The following MSI1 variants were observed in gnomAD, a reference collection of about 807,000 sequenced individuals.
MSI1 encodes musashi RNA binding protein 1.
In MSI1, 15 loss-of-function variants were observed where a neutral mutation model predicts 54.4. The ratio of observed to expected loss-of-function variants is 0.28; its 90% confidence interval spans 0.18 to 0.42. The LOEUF (loss-of-function observed/expected upper bound fraction) is 0.42. Among genes scored for constraint, MSI1 ranks in the 20% least tolerant of loss-of-function variants. MSI1 has a pLI of 1.00. For synonymous variants in MSI1, 200 were observed against 196.5 expected, an observed-to-expected ratio of 1.02 and a Z score of -0.15; for missense variants, 304 against 506.0, an observed-to-expected ratio of 0.60 and a Z score of 3.83.
chr12:120,340,886 C>CT (rs34926125), downstream of MSI1, among the ~76,000 whole-genome samples: 58,738 of 119,394 alleles, frequency 0.49, 15,898 homozygotes, highest in South Asian at 0.61. Context: ...TTCTCCTATT[C>CT]TTTTTTTTTT....
chr12:120,352,386 T>TGG (rs1874694257), intron 10 of MSI1, among the ~76,000 whole-genome samples: 1 of 152,026 alleles, frequency 6.6e-6, no homozygotes, highest in African/African-American at 2.4e-5. Context: ...TGTGTGTGTG[T>TGG]GTGTGTTGGG....
intron 12 of MSI1, among the ~76,000 whole-genome samples, chr12:120,346,967 A>T (rs1221175310): frequency 6.6e-6 from 1 of 150,934 alleles, no homozygotes; most frequent in Admixed American, 6.6e-5. Context: ...TTCTTTTGAG[A>T]CAGACGGAGT....
downstream of MSI1, among the ~76,000 whole-genome samples, chr12:120,339,955 AT>A (rs1464308542): frequency 1.3e-4 from 19 of 150,456 alleles, no homozygotes; most frequent in East Asian, 3.7e-3. Flanking sequence ...TAATTTTTGT[AT>A]TTTTTTGTAG....
chr12:120,347,108 C>A (rs2136903896), intron 12 of MSI1, among the ~76,000 whole-genome samples: 1 of 152,288 alleles, frequency 6.6e-6, no homozygotes, highest in Non-Finnish European at 1.5e-5. Context: ...CACCACCACG[C>A]CCAGCTAATT....
At chr12:120,340,298 G>A (rs1250341398), downstream of MSI1, among the ~76,000 whole-genome samples, 1 of 152,008 alleles carries the variant, frequency 6.6e-6, no homozygotes, top group African/African-American at 2.4e-5. Context: ...TGCACAGGGT[G>A]GTTTCGAACA....
rs372363581 is a variant in MSI1, at chr12:120,351,412, C to T, written c.734-12G>A. ...CTCTACACGGAATTCTAAAATGAAACGTAAAACAGCTTAGGAAGAAGCAGG... is the reference window on the plus strand; with the variant it reads ...CTCTACACGGAATTCTAAAATGAAATGTAAAACAGCTTAGGAAGAAGCAGG... On this transcript the variant is annotated splice_polypyrimidine_tract_variant and intron_variant, in intron 10 of 14. Coordinates refer to ENST00000257552, the MANE Select transcript of MSI1 (RefSeq NM_002442.4). 4.7e-4 allele frequency: 766 copies of T among 1,612,986 alleles called. 2 individuals are homozygous for T. The highest frequency in any genetic ancestry group is 6.0e-4 in the Non-Finnish European group (713 of 1,179,668).
In MSI1 at chr12:120,351,229, G is replaced by A. The variant is rs192556766; in HGVS notation, c.790+115C>T. On this transcript the variant is annotated intron_variant, in intron 11 of 14. Coordinates refer to ENST00000257552, the MANE Select transcript of MSI1 (RefSeq NM_002442.4). ...CACAGTCTGCTGTGTCCCCACAGCC[G>A]GAGGGCTGGCGGGCAGGAGAAAAGG... 1,087 of 1,017,924 alleles carry A rather than the reference G, an allele frequency of 1.1e-3. 2 individuals carry two copies. Among genetic ancestry groups the A allele is most frequent in the Non-Finnish European group, 1.4e-3 (954 of 664,088 alleles). 63.1% of individuals were successfully genotyped at this position (1,017,924 alleles called of 1,614,324 possible). A position where few individuals can be genotyped will look rare whatever the true frequency, so the allele number is the denominator to read the frequency against.
chr12:120,341,269 T>C (rs1873659242), downstream of MSI1: 1 of 152,450 alleles, frequency 6.6e-6, no homozygotes, highest in African/African-American at 2.4e-5. Context: ...CTGCCATCCC[T>C]AAAACAGGAA....
chr12:120,340,155 T>TGGCTCACTGCAACCTC (rs1414586172), downstream of MSI1, among the ~76,000 whole-genome samples: 1 of 151,492 alleles, frequency 6.6e-6, no homozygotes, highest in African/African-American at 2.4e-5. Flanking sequence ...GGCGCGACCT[T>TGGCTCACTGCAACCTC]GGCTCACTGC....
intron 12 of MSI1, among the ~76,000 whole-genome samples, 175 bp from the exon 13 acceptor site, chr12:120,346,497 C>T (rs1459887173): frequency 2.0e-5 from 3 of 151,950 alleles, no homozygotes; most frequent in African/African-American, 4.8e-5. Flanking sequence ...TAGCCCTGAC[C>T]CCCATCATCT....
intron 6 of MSI1, among the ~76,000 whole-genome samples, chr12:120,359,526 T>C (rs1254304371): frequency 6.6e-6 from 1 of 152,196 alleles, no homozygotes; most frequent in East Asian, 1.9e-4. Flanking sequence ...GCTACAGATC[T>C]TTTCCTCTAA....
chr12:120,357,245 A>T (rs753553581), intron 8 of MSI1, among the ~76,000 whole-genome samples: 2 of 152,186 alleles, frequency 1.3e-5, no homozygotes, highest in Non-Finnish European at 2.9e-5. Context: ...ACTATGATGG[A>T]GGAGCTTTTC....
chr12:120,345,920 C>A (rs1874076511), intron 13 of MSI1, among the ~76,000 whole-genome samples: 1 of 152,194 alleles, frequency 6.6e-6, no homozygotes, highest in Non-Finnish European at 1.5e-5. Flanking sequence ...CTCATTTGCA[C>A]CTAGAGCCCA....
In MSI1 at chr12:120,353,354, G is replaced by A. The variant is rs543420695; in HGVS notation, c.678C>T (p.Thr226=). The change falls in exon 10 of 15, where the codon ACC becomes ACT. Residue 226 remains threonine (T), a synonymous_variant. Coordinates refer to ENST00000257552, the MANE Select transcript of MSI1 (RefSeq NM_002442.4). ...MLGYPGFQAT[T]YASRSYTGLA... ...GGCCTGTATAACTCCGGCTGGCGTA[G>A]GTTGTGGCTTGGAAACCTGGGTAAC... is the stretch of plus-strand genomic sequence containing the variant. The A allele has an allele frequency of 6.2e-7, 1 of 1,614,132 alleles. No homozygotes were observed. The highest frequency in any genetic ancestry group is 1.1e-5 in the South Asian group (1 of 91,072).
Position 120,345,463 on chromosome 12 carries a change from G to A in MSI1, c.*21+107C>T. On this transcript the variant is annotated intron_variant, in intron 14 of 14. Transcript: ENST00000257552. ...CTGGTATAAAGATCTGTCTCCCCTG[G>A]GACTGTGGTTCTTGAGGGCAGGGAT... is the stretch of plus-strand genomic sequence containing the variant. 4.3e-6 allele frequency: 4 copies of A among 938,366 alleles called. No homozygotes were observed. In the South Asian group the frequency reaches 5.6e-5, roughly 13 times the overall value. 58.1% of individuals were successfully genotyped at this position (938,366 alleles called of 1,614,324 possible). A position where few individuals can be genotyped will look rare whatever the true frequency, so the allele number is the denominator to read the frequency against.
chr12:120,365,231 A>G (rs1565894467), intron 4 of MSI1, among the ~76,000 whole-genome samples: 2 of 152,020 alleles, frequency 1.3e-5, no homozygotes, highest in Non-Finnish European at 2.9e-5. Flanking sequence ...TTAGACCCTA[A>G]CGTCCCACTG....
intron 11 of MSI1, among the ~76,000 whole-genome samples, chr12:120,347,739 A>G (rs1479587427): frequency 6.6e-6 from 1 of 152,172 alleles, no homozygotes; most frequent in African/African-American, 2.4e-5. Context: ...CCCAGTGAGT[A>G]GCTGAGCCTC....
In MSI1 at chr12:120,348,540, A is replaced by G. The variant is rs145375559; in HGVS notation, c.791-1026T>C. On this transcript the variant is annotated intron_variant, in intron 11 of 14. Coordinates refer to ENST00000257552, the MANE Select transcript of MSI1 (RefSeq NM_002442.4). ...CTTTAATTTCCTCATGGAACTTCTC[A>G]CCCTCCAAAAATATCTTTTTTTTTT... is the stretch of plus-strand genomic sequence containing the variant. Among the ~76,000 whole-genome samples, 1,166 of 142,590 alleles carry G rather than the reference A, an allele frequency of 8.2e-3. 15 individuals are homozygous for G. Among genetic ancestry groups the G allele is most frequent in the African/African-American group, 0.029 (1,107 of 38,156 alleles). 93.5% of individuals were successfully genotyped at this position (142,590 alleles called of 152,430 possible).
intron 13 of MSI1, 119 bp downstream of exon 13, chr12:120,346,016 T>C: frequency 1.1e-6 from 1 of 922,326 alleles, no homozygotes; most frequent in Non-Finnish European, 1.6e-6. Context: ...TCTTTCTCCA[T>C]TCATCCTCCC....
Sources: gnomAD v4.1 joint callset for allele counts (sites outside exome capture counted in the v4.1 genomes callset) on GRCh38, gnomAD v4.1.1 for gene constraint, MANE v1.5 for transcripts, NCBI Gene and HGNC (gene_info 2026-07-23, HGNC 2026-07-21) for gene names.